Variants in RNF17 observed in about 807,000 individuals in gnomAD.
RNF17 encodes spermatogenesis associated 23.
A neutral mutation model predicts 200.5 loss-of-function variants in RNF17; 31 were observed. The ratio of observed to expected loss-of-function variants is 0.15; its 90% CI spans 0.12 to 0.21. The LOEUF (loss-of-function observed/expected upper bound fraction) is 0.21. Ranked by LOEUF, RNF17 falls within the 10% of genes least tolerant of loss-of-function variation. RNF17 has a pLI of 1.00. For synonymous variants in RNF17, 606 were observed against 637.8 expected (o/e 0.95, Z 0.75); for missense variants, 1,628 against 1,905.1 (o/e 0.85, Z 2.71).
chr13:24,798,690 G>C (rs1226391803), intron 11 of RNF17, among the ~76,000 whole-genome samples: 1 of 152,156 alleles, frequency 6.6e-6, no homozygotes, highest in Admixed American at 6.6e-5. Context: ...GGTTGTTGTG[G>C]GGAGTAAGTG....
intron 9 of RNF17, among the ~76,000 whole-genome samples, chr13:24,792,186 T>A (rs1451579036): frequency 6.6e-6 from 1 of 152,198 alleles, no homozygotes; most frequent in Non-Finnish European, 1.5e-5. Flanking sequence ...CTAAAAACTA[T>A]TCTGCCTCTT....
At chr13:24,885,622 T>C in the RNF17 span, 7 of 1,611,310 alleles carry the variant, frequency 4.3e-6, no homozygotes, top group South Asian at 2.2e-5. Flanking sequence ...CTTATCCAAA[T>C]TGCCTAAATC....
chr13:24,778,558 A>G lies in RNF17; in HGVS notation c.429+152A>G, dbSNP rs893600285. The G allele has an allele frequency of 7.8e-5, 49 of 626,428 alleles. 1 individual carries two copies. Among genetic ancestry groups the G allele is most frequent in the African/African-American group, 9.4e-5 (5 of 53,286 alleles). 38.8% of individuals were successfully genotyped at this position (626,428 alleles called of 1,614,324 possible). ...CTCTTACTTGAATCTCTTTTGTTCT[A>G]TGCTTAGACAGTTCTCTTTTCTTCC... On this transcript the variant is annotated intron_variant, in intron 4 of 35. Transcript: ENST00000255324.
chr13:24,886,598 G>A, the RNF17 span, among the ~76,000 whole-genome samples: 2 of 152,122 alleles, frequency 1.3e-5, no homozygotes, highest in Non-Finnish European at 2.9e-5. Flanking sequence ...TGAGCAAAGG[G>A]GCAGATGGCA....
Position 24,796,264 on chromosome 13 carries a change from A to C in RNF17, c.1368A>C (p.Ser456=). 6.2e-7 allele frequency: 1 copy of C among 1,609,394 alleles called. No homozygotes were observed. Among genetic ancestry groups the C allele is most frequent in the East Asian group, 2.2e-5 (1 of 44,752 alleles). The stretch of plus-strand genomic sequence containing the variant: ...TGAATGAATTTTGCAATAGGAGTTC[A>C]CACCTTGATCCTTCAGACATTTTGG... The part of the protein sequence containing the change: ...KKVNEFCNRS[S]HLDPSDILEL... The change falls in exon 11 of 36, where the codon TCA becomes TCC. Residue 456 remains serine (S), a synonymous_variant. Coordinates refer to ENST00000255324, the MANE Select transcript of RNF17 (RefSeq NM_031277.3).
intron 29 of RNF17, among the ~76,000 whole-genome samples, chr13:24,865,814 T>C (rs1390936164): frequency 6.6e-6 from 1 of 152,116 alleles, no homozygotes; most frequent in Non-Finnish European, 1.5e-5. Context: ...AGAAGTTACG[T>C]CTGTTATTAA....
intron 9 of RNF17, among the ~76,000 whole-genome samples, chr13:24,791,326 T>C (rs1593260022): frequency 6.6e-6 from 1 of 152,136 alleles, no homozygotes; most frequent in Non-Finnish European, 1.5e-5. Context: ...AACTCAGTAA[T>C]GCTTGAACGT....
Position 24,831,720 on chromosome 13 carries a change from C to T in RNF17, c.2362-138C>T, listed in dbSNP as rs1566194141. 4 of 750,476 alleles carry T rather than the reference C, an allele frequency of 5.3e-6. No homozygotes were observed. In the African/African-American group the frequency reaches 5.4e-5, roughly 10 times the overall value. The allele number at this position is 750,476 out of a possible 1,614,324, so 46.5% of individuals were successfully genotyped here. ...TATAAAGTACTTTTACAGACACCTT[C>T]ACACATTATTTGATTATTTCTAATA... On this transcript the variant is annotated intron_variant, in intron 17 of 35. Coordinates refer to ENST00000255324, the MANE Select transcript of RNF17 (RefSeq NM_031277.3).
At chr13:24,782,090 C>T (rs1199783947) in intron 6 of RNF17, 146 bp downstream of exon 6, 2 of 648,236 alleles carry the variant, frequency 3.1e-6, no homozygotes, top group Non-Finnish European at 5.5e-6. Flanking sequence ...AGTTGGTAGT[C>T]CCTACAGACT....
At chr13:24,798,502 C>G (rs766090577) in intron 11 of RNF17, among the ~76,000 whole-genome samples, 6 of 152,116 alleles carry the variant, frequency 3.9e-5, no homozygotes, top group Non-Finnish European at 7.4e-5. Context: ...CACAGCATCT[C>G]TCTGTATATA....
intron 15 of RNF17, among the ~76,000 whole-genome samples, chr13:24,814,699 C>G (rs981805414): frequency 6.6e-6 from 1 of 152,110 alleles, no homozygotes; most frequent in Non-Finnish European, 1.5e-5. Flanking sequence ...CTATTTTGTT[C>G]CATTTGTCTG....
downstream of RNF17, among the ~76,000 whole-genome samples, chr13:24,881,276 G>C (rs770784000): frequency 5.3e-5 from 8 of 151,946 alleles, no homozygotes; most frequent in Non-Finnish European, 1.2e-4. Flanking sequence ...AAGTAGCTGG[G>C]ATTACAGGCA....
intron 26 of RNF17, among the ~76,000 whole-genome samples, chr13:24,860,662 T>C (rs947593141): frequency 2.6e-5 from 4 of 152,186 alleles, no homozygotes; most frequent in South Asian, 2.1e-4. Context: ...AATTTAGAAA[T>C]TGAATTATCA....
chr13:24,769,352 C>T (rs552931328), intron 2 of RNF17, among the ~76,000 whole-genome samples: 2 of 152,134 alleles, frequency 1.3e-5, no homozygotes, highest in East Asian at 1.9e-4. Context: ...GTATCATTGA[C>T]TAGTTTTGCT....
chr13:24,831,715 A>G (rs9553452), intron 17 of RNF17, 143 bp from the exon 18 acceptor site: 120,345 of 697,596 alleles, frequency 0.17, 11,527 homozygotes, highest in South Asian at 0.3. Flanking sequence ...TTTTACAGAC[A>G]CCTTCACACA....
intron 15 of RNF17, among the ~76,000 whole-genome samples, chr13:24,816,967 A>G (rs1887484630): frequency 6.6e-6 from 1 of 152,222 alleles, no homozygotes; most frequent in Non-Finnish European, 1.5e-5. Context: ...CTCTCCAGAG[A>G]GAGACCCGAA....
intron 1 of RNF17, among the ~76,000 whole-genome samples, chr13:24,764,769 T>C (rs1879346413): frequency 6.6e-6 from 1 of 152,282 alleles, no homozygotes; most frequent in Middle Eastern, 3.4e-3. Flanking sequence ...TGGATTTTGT[T>C]GTTGTTGTTA....
chr13:24,749,003 C>G, the RNF17 span, among the ~76,000 whole-genome samples: 9 of 152,178 alleles, frequency 5.9e-5, no homozygotes, highest in African/African-American at 1.9e-4. Flanking sequence ...ATCCACCCAC[C>G]TTGGCCTCCC....
intron 20 of RNF17, among the ~76,000 whole-genome samples, chr13:24,844,191 T>C (rs951025511): frequency 2.0e-5 from 3 of 152,172 alleles, no homozygotes; most frequent in African/African-American, 7.2e-5. Context: ...GCACCTACTA[T>C]ATGATAACCA....
Sources: allele counts gnomAD v4.1 joint callset (sites outside exome capture counted in the v4.1 genomes callset), GRCh38; gene constraint gnomAD v4.1.1; transcripts MANE v1.5; gene names NCBI Gene and HGNC (gene_info 2026-07-23, HGNC 2026-07-21).